Variants in GSK3B observed in about 807,000 individuals in gnomAD.
GSK3B encodes glycogen synthase kinase-3 beta.
GSK3B carries 15 observed loss-of-function variants against 56.4 expected under a neutral mutation model. The observed-to-expected ratio is 0.27, with a 90% CI of 0.18 to 0.41. GSK3B has a LOEUF of 0.41. Ranked by LOEUF, GSK3B falls within the 10% of genes least tolerant of loss-of-function variation. GSK3B has a pLI of 1.00. For missense variants in GSK3B, 300 were observed against 513.4 expected, an observed-to-expected ratio of 0.58 and a Z score of 4.02; for synonymous variants, 181 against 188.9, an observed-to-expected ratio of 0.96 and a Z score of 0.34.
At chr3:120,062,769 A>C (rs2107554258) in intron 1 of GSK3B, among the ~76,000 whole-genome samples, 1 of 152,336 alleles carries the variant, frequency 6.6e-6, no homozygotes, top group South Asian at 2.1e-4. Context: ...TAGGCATCTC[A>C]ACTGTATCTG....
chr3:120,087,890 CTTTTG>C (rs1433212472), intron 1 of GSK3B, among the ~76,000 whole-genome samples: 19 of 151,728 alleles, frequency 1.3e-4, no homozygotes, highest in African/African-American at 3.6e-4. Context: ...ACTAAATTGT[CTTTTG>C]TTTTGTTTTT....
intron 7 of GSK3B, among the ~76,000 whole-genome samples, chr3:119,877,382 C>T (rs2056326677): frequency 6.6e-6 from 1 of 152,108 alleles, no homozygotes; most frequent in Non-Finnish European, 1.5e-5. Context: ...TCCTCCTATA[C>T]TTTAAATCAT....
intron 7 of GSK3B, 114 bp from the exon 8 acceptor site, chr3:119,876,622 G>A (rs1014673570): frequency 2.7e-5 from 18 of 657,416 alleles, no homozygotes; most frequent in Admixed American, 5.2e-5. Context: ...AATAAAATAC[G>A]TAACTCATTA....
chr3:119,929,494 G>A (rs1009630551), intron 3 of GSK3B, among the ~76,000 whole-genome samples: 6 of 152,100 alleles, frequency 3.9e-5, no homozygotes, highest in African/African-American at 7.2e-5. Context: ...TGAACCAGGC[G>A]CAGTGGCTCA....
chr3:119,848,172 T>C (rs2055881104), intron 9 of GSK3B, among the ~76,000 whole-genome samples: 1 of 152,230 alleles, frequency 6.6e-6, no homozygotes, highest in Non-Finnish European at 1.5e-5. Flanking sequence ...AGCGAGCTTG[T>C]ACACAAAAGC....
intron 2 of GSK3B, among the ~76,000 whole-genome samples, chr3:119,970,289 G>T (rs1183711483): frequency 1.3e-5 from 2 of 152,128 alleles, no homozygotes; most frequent in Non-Finnish European, 2.9e-5. Context: ...TAAAAGATTT[G>T]AAGAGAAACT....
chr3:120,055,158 C>T (rs924556624), intron 1 of GSK3B, among the ~76,000 whole-genome samples: 8 of 152,086 alleles, frequency 5.3e-5, no homozygotes, highest in African/African-American at 1.9e-4. Context: ...ATGTGTATTT[C>T]TCTACCAACC....
At chr3:119,943,338 C>T (rs912038364) in intron 3 of GSK3B, among the ~76,000 whole-genome samples, 4 of 151,832 alleles carry the variant, frequency 2.6e-5, no homozygotes, top group Admixed American at 6.6e-5. Flanking sequence ...TTAAAAATAA[C>T]AATGTGGGAA....
chr3:119,933,603 G>A (rs114611958), intron 3 of GSK3B, among the ~76,000 whole-genome samples: 2,446 of 152,152 alleles, frequency 0.016, 62 homozygotes, highest in African/African-American at 0.056. Context: ...GCCGCCAAGC[G>A]CGGTGGCTCA....
intron 2 of GSK3B, among the ~76,000 whole-genome samples, chr3:119,963,641 A>AAAAG (rs2057293595): frequency 2.7e-5 from 4 of 150,380 alleles, no homozygotes; most frequent in Middle Eastern, 3.2e-3. Flanking sequence ...AAAAAAAAAA[A>AAAAG]AAAGAAAGAA....
intron 1 of GSK3B, among the ~76,000 whole-genome samples, chr3:120,079,409 CT>C (rs2058397722): frequency 6.9e-6 from 1 of 145,016 alleles, no homozygotes; most frequent in Non-Finnish European, 1.5e-5. Flanking sequence ...ACATTTTTTT[CT>C]TTTTGAGACA....
chr3:119,972,646 G>A (rs1283217661), intron 2 of GSK3B, among the ~76,000 whole-genome samples: 4 of 152,056 alleles, frequency 2.6e-5, no homozygotes, highest in South Asian at 2.1e-4. Flanking sequence ...CAAGTTAGCC[G>A]GGATGTTCTC....
At position 119,821,805 on chromosome 3, in the gene GSK3B, G is replaced by T; in HGVS notation, c.*4983C>A. 1 of 165,540 alleles carries T rather than the reference G, an allele frequency of 6.0e-6. No homozygotes were observed. The highest frequency in any genetic ancestry group is 1.3e-5 in the Non-Finnish European group (1 of 75,744). 10.3% of individuals were successfully genotyped at this position (165,540 alleles called of 1,614,324 possible). A position where few individuals can be genotyped will look rare whatever the true frequency, so the allele number is the denominator to read the frequency against. ...AAAATCATTGGAAAGAACAAGAAGT[G>T]GTATTGATATCTTGTTCTGTATAAC... On this transcript the variant is annotated 3_prime_UTR_variant, in exon 11 of 11. Coordinates refer to ENST00000264235, the MANE Select transcript of GSK3B (RefSeq NM_001146156.2).
At chr3:119,987,822 A>G (rs1449968077) in intron 2 of GSK3B, among the ~76,000 whole-genome samples, 1 of 152,244 alleles carries the variant, frequency 6.6e-6, no homozygotes, top group African/African-American at 2.4e-5. Flanking sequence ...TGTCAAATAT[A>G]AAACGGTATT....
At chr3:119,861,956 G>GT (rs2056109395) in intron 9 of GSK3B, among the ~76,000 whole-genome samples, 1 of 151,894 alleles carries the variant, frequency 6.6e-6, no homozygotes, top group African/African-American at 2.4e-5. Flanking sequence ...ACCACACACT[G>GT]TATCTATACA....
chr3:119,970,692 C>G (rs2057357490), intron 2 of GSK3B, among the ~76,000 whole-genome samples: 2 of 150,772 alleles, frequency 1.3e-5, no homozygotes, highest in Non-Finnish European at 2.9e-5. Context: ...GAGGCTGAGG[C>G]AGGAGAATCG....
At chr3:120,006,603 A>G (rs2057730366) in intron 1 of GSK3B, among the ~76,000 whole-genome samples, 1 of 152,232 alleles carries the variant, frequency 6.6e-6, no homozygotes, top group Non-Finnish European at 1.5e-5. Flanking sequence ...ACTCAGCATT[A>G]AGAATCTCAT....
chr3:119,887,578 AATAGAAACT>A (rs1323060678), intron 7 of GSK3B, among the ~76,000 whole-genome samples: 1 of 152,128 alleles, frequency 6.6e-6, no homozygotes, highest in Non-Finnish European at 1.5e-5. Flanking sequence ...AAAAAATAGC[AATAGAAACT>A]ATCAAAGCTG....
chr3:119,989,645 CA>C (rs766816915), intron 2 of GSK3B, among the ~76,000 whole-genome samples: 2,909 of 110,476 alleles, frequency 0.026, 75 homozygotes, highest in African/African-American at 0.079. Flanking sequence ...AGTCTGACTC[CA>C]AAAAAAAAAA....
Sources: allele counts gnomAD v4.1 joint callset (sites outside exome capture counted in the v4.1 genomes callset), GRCh38; gene constraint gnomAD v4.1.1; transcripts MANE v1.5; gene names NCBI Gene and HGNC (gene_info 2026-07-23, HGNC 2026-07-21).